The following WDR7 variants were observed in gnomAD, a reference collection of about 807,000 sequenced individuals.
WDR7 encodes WD repeat domain 7.
A neutral mutation model predicts 169.4 loss-of-function variants in WDR7; 46 were observed. That is an observed-to-expected ratio of 0.27 (90% CI 0.21 to 0.35). The LOEUF is 0.35. Ranked by LOEUF, WDR7 falls within the 10% of genes least tolerant of loss-of-function variation. The pLI is 1.00. For missense variants in WDR7, 1,534 were observed against 1,859.3 expected (o/e 0.83, Z 3.22); for synonymous variants, 612 against 666.8 (o/e 0.92, Z 1.27).
chr18:56,653,931 C>A (rs896257771), intron 1 of WDR7, among the ~76,000 whole-genome samples: 9 of 152,154 alleles, frequency 5.9e-5, no homozygotes, highest in Non-Finnish European at 1.2e-4. Context: ...TTTATTGAAG[C>A]ACCACCAGAT....
intron 20 of WDR7, among the ~76,000 whole-genome samples, chr18:56,853,512 T>G (rs1244275094): frequency 6.6e-6 from 1 of 152,172 alleles, no homozygotes; most frequent in Non-Finnish European, 1.5e-5. Flanking sequence ...CTTGTTTTAT[T>G]TTCTAATTTT....
rs1044771844 is a variant in WDR7 at position 56,820,359 on chromosome 18, A to AAAAAAAAAAAAAAAAAAAAAC, written c.3304+4220_3304+4221insAAAAAAAAAAAAAAACAAAAA. On this transcript the variant is annotated intron_variant, in intron 20 of 27. Transcript: ENST00000254442. ...ATTGTCAAAAAAAAAAAAAAAAAAA[A>AAAAAAAAAAAAAAAAAAAAAC]AAAAACCACCTTGATACTAGATCAG... is the stretch of plus-strand genomic sequence containing the variant. Among the ~76,000 whole-genome samples, 16 of 127,506 alleles carry AAAAAAAAAAAAAAAAAAAAAC rather than the reference A, an allele frequency of 1.3e-4. 1 individual carries two copies. The highest frequency in any genetic ancestry group is 4.9e-4 in the African/African-American group (14 of 28,416). 83.6% of individuals were successfully genotyped at this position (127,506 alleles called of 152,430 possible).
intron 20 of WDR7, among the ~76,000 whole-genome samples, chr18:56,868,182 A>G (rs1218304195): frequency 1.3e-5 from 2 of 152,156 alleles, no homozygotes; most frequent in African/African-American, 4.8e-5. Context: ...TCAAAGCTAG[A>G]GATCCTTTAG....
At chr18:57,001,726 A>C (rs956943792) in intron 26 of WDR7, among the ~76,000 whole-genome samples, 1 of 152,094 alleles carries the variant, frequency 6.6e-6, no homozygotes, top group Non-Finnish European at 1.5e-5. Flanking sequence ...ACAATCACCA[A>C]TCTTTCTTGC....
At chr18:57,012,304 T>C (rs1179152171) in intron 26 of WDR7, among the ~76,000 whole-genome samples, 1 of 152,112 alleles carries the variant, frequency 6.6e-6, no homozygotes, top group African/African-American at 2.4e-5. Context: ...AGTGCTGTCA[T>C]CCCAGCCGTC....
At chr18:56,698,423 G>A (rs1038411222) in intron 12 of WDR7, among the ~76,000 whole-genome samples, 2 of 151,798 alleles carry the variant, frequency 1.3e-5, no homozygotes, top group African/African-American at 4.8e-5. Context: ...TGGCTGACAC[G>A]GTGAAACCCC....
chr18:56,767,899 T>C (rs1355126244), intron 16 of WDR7, among the ~76,000 whole-genome samples: 1 of 152,204 alleles, frequency 6.6e-6, no homozygotes. Context: ...TTTTTCTGAA[T>C]TCATTGACAA....
intron 16 of WDR7, among the ~76,000 whole-genome samples, chr18:56,765,086 A>G (rs957399082): frequency 6.6e-6 from 1 of 152,110 alleles, no homozygotes; most frequent in Non-Finnish European, 1.5e-5. Context: ...TACTGTTAAC[A>G]TAGTATAATC....
chr18:56,893,281 G>C (rs192715322), intron 21 of WDR7, among the ~76,000 whole-genome samples: 2 of 151,816 alleles, frequency 1.3e-5, no homozygotes, highest in Admixed American at 6.6e-5. Context: ...CAGAGTGATG[G>C]CTTCATATTT....
chr18:56,935,390 A>G (rs2046944249), intron 22 of WDR7, among the ~76,000 whole-genome samples: 1 of 152,224 alleles, frequency 6.6e-6, no homozygotes, highest in Admixed American at 6.5e-5. Context: ...TTTCAGATAT[A>G]CAACCTTACA....
rs907050971 is a variant in WDR7, at chr18:57,027,336, G to A, written c.*129G>A. 2.7e-5 allele frequency: 33 copies of A among 1,205,678 alleles called. No homozygotes were observed. The highest frequency in any genetic ancestry group is 4.8e-5 in the Admixed American group (2 of 41,820). 74.7% of individuals were successfully genotyped at this position (1,205,678 alleles called of 1,614,324 possible). ...CCCAGTGCCATCCAGTGGCACGGCCGGGTCTTGTCACTTGTGCATGCTTCT... is the reference window on the plus strand; with the variant it reads ...CCCAGTGCCATCCAGTGGCACGGCCAGGTCTTGTCACTTGTGCATGCTTCT... On this transcript the variant is annotated 3_prime_UTR_variant, in exon 28 of 28. Coordinates refer to ENST00000254442, the MANE Select transcript of WDR7 (RefSeq NM_015285.3).
chr18:56,904,853 A>G (rs2046454942), intron 21 of WDR7, among the ~76,000 whole-genome samples: 1 of 152,194 alleles, frequency 6.6e-6, no homozygotes, highest in South Asian at 2.1e-4. Context: ...ACTAGAGAAC[A>G]TTAACAAATT....
intron 26 of WDR7, among the ~76,000 whole-genome samples, chr18:56,996,964 A>T (rs908188484): frequency 6.6e-6 from 1 of 152,236 alleles, no homozygotes; most frequent in Non-Finnish European, 1.5e-5. Flanking sequence ...AAGAAAAAAA[A>T]ACTGGATCTT....
intron 1 of WDR7, among the ~76,000 whole-genome samples, chr18:56,669,165 G>C (rs1156416044): frequency 6.6e-6 from 1 of 151,998 alleles, no homozygotes; most frequent in Admixed American, 6.6e-5. Flanking sequence ...TTGTTGACTG[G>C]AGTATAGTAT....
intron 19 of WDR7, among the ~76,000 whole-genome samples, chr18:56,803,841 G>A (rs140615845): frequency 1.4e-3 from 213 of 152,080 alleles, no homozygotes; most frequent in African/African-American, 4.7e-3. Context: ...TTGCTCCGTC[G>A]CCCAGGCTGG....
chr18:56,741,445 G>T (rs1018503403), intron 14 of WDR7, among the ~76,000 whole-genome samples: 1 of 152,060 alleles, frequency 6.6e-6, no homozygotes, highest in Admixed American at 6.5e-5. Flanking sequence ...CCTTATGATT[G>T]ATCTTTTTGT....
chr18:56,990,736 A>G lies in WDR7; in HGVS notation c.4164+28207A>G, dbSNP rs142735647. Among the ~76,000 whole-genome samples, 32 of 152,308 alleles carry G rather than the reference A, an allele frequency of 2.1e-4. No individual in the cohort carries two copies. The East Asian group carries it at 5.4e-3, about 26-fold the overall frequency. On this transcript the variant is annotated intron_variant, in intron 26 of 27. Coordinates refer to ENST00000254442, the MANE Select transcript of WDR7 (RefSeq NM_015285.3). ...GAGGTAAGCTTTACTTATATATACC[A>G]TAGTTATTCTGTCTTACCCTCCTAC...
intron 16 of WDR7, among the ~76,000 whole-genome samples, chr18:56,773,442 G>T (rs2044194979): frequency 6.6e-6 from 1 of 151,812 alleles, no homozygotes; most frequent in African/African-American, 2.4e-5. Context: ...AATCTTTTTG[G>T]CATTAGGAAA....
chr18:56,849,001 C>T (rs978211556), intron 20 of WDR7, among the ~76,000 whole-genome samples: 10 of 152,220 alleles, frequency 6.6e-5, no homozygotes, highest in African/African-American at 2.2e-4. Flanking sequence ...AATGTTCCCT[C>T]TTACAGTTTC....
Sources: allele counts gnomAD v4.1 joint callset (sites outside exome capture counted in the v4.1 genomes callset), GRCh38; gene constraint gnomAD v4.1.1; transcripts MANE v1.5; gene names NCBI Gene and HGNC (gene_info 2026-07-23, HGNC 2026-07-21).